Variants in RAB3A observed in about 807,000 individuals in gnomAD.
RAB3A encodes RAB3A, member RAS oncogene family.
RAB3A carries 5 observed loss-of-function variants against 19.7 expected under a neutral mutation model. The ratio of observed to expected loss-of-function variants is 0.25; its 90% CI spans 0.13 to 0.53. RAB3A has a LOEUF of 0.53. RAB3A is among the 20% of genes least tolerant of loss of function. The pLI is 0.95. For synonymous variants in RAB3A, 119 were observed against 122.1 expected, an observed-to-expected ratio of 0.97 and a Z score of 0.17; for missense variants, 189 against 305.6, an observed-to-expected ratio of 0.62 and a Z score of 2.85.
intron 1 of RAB3A, among the ~76,000 whole-genome samples, chr19:18,203,047 G>T (rs971590696): frequency 6.6e-6 from 1 of 152,188 alleles, no homozygotes; most frequent in African/African-American, 2.4e-5. Context: ...GCCCGGAGGG[G>T]GTGACTGCGG....
chr19:18,202,714 A>G lies in RAB3A; in HGVS notation c.27T>C (p.Tyr9=). Residue 9 remains tyrosine (Y), a synonymous_variant, in exon 2 of 5, where the codon TAT becomes TAC. Transcript: ENST00000222256. This position sits in a 1 kb window ranked among gnomAD's most constrained non-coding sequence, Gnocchi z 4.2. MASATDSR[Y]GQKESSDQNF... ...TCTGATCCGAGGACTCCTTCTGCCC[A>G]TAGCGCGAGTCTGTGGCGGATGCCA... 1.2e-6 allele frequency: 2 copies of G among 1,614,106 alleles called. No homozygotes were observed.
In RAB3A at chr19:18,196,860, G is replaced by A. The variant is rs1037024376; in HGVS notation, c.*610C>T. 1 of 203,186 alleles carries A rather than the reference G, an allele frequency of 4.9e-6. No homozygotes were observed. Among genetic ancestry groups the A allele is most frequent in the African/African-American group, 2.3e-5 (1 of 42,566 alleles). The allele number at this position is 203,186 out of a possible 1,614,324, so 12.6% of individuals were successfully genotyped here. ...TTGTCATGACATCTCCTAAGGAACT[G>A]GGGGGCACGTTTGACACTCATGAGG... On this transcript the variant is annotated 3_prime_UTR_variant, in exon 5 of 5. Coordinates refer to ENST00000222256, the MANE Select transcript of RAB3A (RefSeq NM_002866.5).
Position 18,202,597 on chromosome 19 carries a change from C to T in RAB3A, c.144G>A (p.Thr48=), listed in dbSNP as rs1469442550. The part of the protein sequence containing the change: ...FLFRYADDSF[T]PAFVSTVGID... Reference sequence around the variant, plus strand: ...TGCCCACGGTGCTGACGAAGGCAGGCGTGAACGAGTCGTCAGCATAGCGGA... The same window carrying T: ...TGCCCACGGTGCTGACGAAGGCAGGTGTGAACGAGTCGTCAGCATAGCGGA... Residue 48 remains threonine, a synonymous_variant, in exon 2 of 5, where the codon ACG becomes ACA. Transcript: ENST00000222256. This position sits in a 1 kb window ranked among gnomAD's most constrained non-coding sequence, Gnocchi z 4.2. 2.5e-6 allele frequency: 4 copies of T among 1,614,062 alleles called. No individual in the cohort carries two copies. Among genetic ancestry groups the T allele is most frequent in the Admixed American group, 3.3e-5 (2 of 59,992 alleles).
At chr19:18,197,714 C>T in intron 4 of RAB3A, 54 bp from the exon 5 acceptor site, 1 of 1,441,818 alleles carries the variant, frequency 6.9e-7, no homozygotes, top group Non-Finnish European at 9.4e-7. Context: ...ATGCCAACTC[C>T]CAGAGATGCT....
intron 3 of RAB3A, among the ~76,000 whole-genome samples, chr19:18,199,086 TGCCCAG>T (rs1180541180): frequency 6.6e-6 from 1 of 152,142 alleles, no homozygotes; most frequent in Non-Finnish European, 1.5e-5. Flanking sequence ...CTGGGTCTGT[TGCCCAG>T]GCTGGAGTAT....
At chr19:18,199,218 G>A (rs900022746) in intron 3 of RAB3A, among the ~76,000 whole-genome samples, 5 of 150,464 alleles carry the variant, frequency 3.3e-5, no homozygotes, top group Non-Finnish European at 7.4e-5. Flanking sequence ...GTGCAGTGGC[G>A]CGATCTAGGC....
intron 3 of RAB3A, 82 bp downstream of exon 3, chr19:18,200,245 T>C (rs1356075556): frequency 8.3e-6 from 10 of 1,206,044 alleles, no homozygotes; most frequent in Non-Finnish European, 9.4e-6. Flanking sequence ...ATCGTGCCAC[T>C]GCACTCCAGC....
intron 4 of RAB3A, 129 bp from the exon 5 acceptor site, chr19:18,197,789 A>G (rs1425279654): frequency 2.1e-5 from 3 of 143,226 alleles, no homozygotes; most frequent in African/African-American, 1.3e-4. Context: ...GTACTGACAA[A>G]TCCCACAGAG....
chr19:18,201,455 G>A (rs1257873551), intron 2 of RAB3A, among the ~76,000 whole-genome samples: 2 of 144,026 alleles, frequency 1.4e-5, no homozygotes, highest in Non-Finnish European at 3.1e-5. Flanking sequence ...GCTTGGTGGT[G>A]AGCCCCTGTA....
chr19:18,203,126 T>A (rs1317896987), intron 1 of RAB3A, among the ~76,000 whole-genome samples: 1 of 152,076 alleles, frequency 6.6e-6, no homozygotes, highest in African/African-American at 2.4e-5. Context: ...GTGCACCGCG[T>A]GCATGGTCCC....
Position 18,197,136 on chromosome 19 carries a change from C to A in RAB3A, c.*334G>T, listed in dbSNP as rs1476920279. The A allele has an allele frequency of 7.1e-6, 2 of 283,284 alleles. No individual in the cohort carries two copies. Among genetic ancestry groups the A allele is most frequent in the Admixed American group, 6.0e-5 (1 of 16,662 alleles). 17.5% of individuals were successfully genotyped at this position (283,284 alleles called of 1,614,324 possible). On this transcript the variant is annotated 3_prime_UTR_variant, in exon 5 of 5. Coordinates refer to ENST00000222256, the MANE Select transcript of RAB3A (RefSeq NM_002866.5). The stretch of plus-strand genomic sequence containing the variant: ...GGTGTCATCTGGCCCCTCTTCACAA[C>A]TGACAACTGTGGATGGGGGTGAATT...
At chr19:18,200,714 G>A (rs1967596835) in intron 2 of RAB3A, among the ~76,000 whole-genome samples, 1 of 151,456 alleles carries the variant, frequency 6.6e-6, no homozygotes, top group African/African-American at 2.4e-5. Flanking sequence ...GTGGGCAGGT[G>A]GCTTGAACCC....
intron 2 of RAB3A, 65 bp from the exon 3 acceptor site, chr19:18,200,510 T>C: frequency 7.5e-7 from 1 of 1,330,544 alleles, no homozygotes; most frequent in South Asian, 1.3e-5. Context: ...GGAAATGAGC[T>C]CTGATATCAT....
Position 18,198,745 on chromosome 19 carries a change from C to T in RAB3A, c.452G>A (p.Arg151Gln), listed in dbSNP as rs377115900. 8 of 1,613,988 alleles carry T rather than the reference C, an allele frequency of 5.0e-6. No individual in the cohort carries two copies. The African/African-American group carries it at 6.7e-5, about 13-fold the overall frequency. The part of the protein sequence containing the change: ...DERVVSSERG[R>Q]QLADHLGFEF... ...CTCACCAAGGTGGTCAGCTAGCTGCCGGCCACGTTCTGATGACACCACCCG... is the reference window on the plus strand; with the variant it reads ...CTCACCAAGGTGGTCAGCTAGCTGCTGGCCACGTTCTGATGACACCACCCG... Residue 151 changes from arginine (R) to glutamine (Q), a missense_variant, in exon 4 of 5, where the codon CGG becomes CAG. By Grantham distance (43) the Arg-to-Gln change is conservative (BLOSUM62 1). Transcript: ENST00000222256.
Position 18,202,872 on chromosome 19 carries a change from C to G in RAB3A, c.1-132G>C. ...GAGGACACCCTTATCCCATCAGGAG[C>G]CCCAGTATTAATTGGTGGTGCCCCC... is the stretch of plus-strand genomic sequence containing the variant. On this transcript the variant is annotated intron_variant, in intron 1 of 4. Transcript: ENST00000222256. This position sits in a 1 kb window ranked among gnomAD's most constrained non-coding sequence, Gnocchi z 4.2. 1.5e-6 allele frequency: 1 copy of G among 670,204 alleles called. No homozygotes were observed. The highest frequency in any genetic ancestry group is 2.6e-6 in the Non-Finnish European group (1 of 385,402). The allele number at this position is 670,204 out of a possible 1,614,324, so 41.5% of individuals were successfully genotyped here.
intron 3 of RAB3A, among the ~76,000 whole-genome samples, chr19:18,200,050 G>A (rs904360164): frequency 5.3e-5 from 8 of 152,152 alleles, no homozygotes; most frequent in Admixed American, 4.6e-4. Context: ...GGAGGCCAAG[G>A]TGGGCAGATC....
intron 2 of RAB3A, among the ~76,000 whole-genome samples, chr19:18,201,139 G>A (rs1378128173): frequency 2.0e-5 from 3 of 151,624 alleles, no homozygotes; most frequent in Non-Finnish European, 2.9e-5. Context: ...GGAGGCTGAG[G>A]CAGGAGAATC....
intron 2 of RAB3A, 77 bp from the exon 3 acceptor site, chr19:18,200,522 C>G (rs761431892): frequency 1.5e-4 from 179 of 1,228,692 alleles, no homozygotes; most frequent in Non-Finnish European, 1.6e-4. Context: ...TGATATCATC[C>G]AGTTCAGCCC....
intron 4 of RAB3A, among the ~76,000 whole-genome samples, chr19:18,198,273 A>G (rs1220336646): frequency 6.6e-6 from 1 of 152,092 alleles, no homozygotes; most frequent in Admixed American, 6.6e-5. Flanking sequence ...CATTTCCTCC[A>G]GCTGACCCTC....
Sources: allele counts gnomAD v4.1 joint callset (sites outside exome capture counted in the v4.1 genomes callset), GRCh38; gene constraint gnomAD v4.1.1; non-coding constraint Gnocchi (gnomAD v3.1); transcripts MANE v1.5; gene names NCBI Gene and HGNC (gene_info 2026-07-23, HGNC 2026-07-21).